RBFOX1: variants seen among roughly 807,000 people sequenced by gnomAD.
The protein encoded by RBFOX1 is RNA binding fox-1 homolog 1.
RBFOX1 carries 8 observed loss-of-function variants against 57.7 expected under a neutral mutation model. The ratio of observed to expected loss-of-function variants is 0.14; its 90% confidence interval spans 0.08 to 0.25. The LOEUF (loss-of-function observed/expected upper bound fraction) is 0.25, where lower values mean the gene tolerates loss of function less well. Among genes scored for constraint, RBFOX1 ranks in the 10% least tolerant of loss-of-function variants. RBFOX1 has a pLI of 1.00. For missense variants in RBFOX1, 611 were observed against 548.5 expected, an observed-to-expected ratio of 1.11 and a Z score of -1.14; for synonymous variants, 326 against 222.4, an observed-to-expected ratio of 1.47 and a Z score of -4.15.
intron 3 of RBFOX1, among the ~76,000 whole-genome samples, chr16:5,655,896 A>T (rs749690926): frequency 1.3e-5 from 2 of 152,182 alleles, no homozygotes; most frequent in African/African-American, 4.8e-5. Context: ...AGCATGTGCA[A>T]TTGTAGATTA....
chr16:7,226,135 A>T (rs2093101057), intron 4 of RBFOX1, among the ~76,000 whole-genome samples: 1 of 151,978 alleles, frequency 6.6e-6, no homozygotes, highest in Non-Finnish European at 1.5e-5. Context: ...CCAGGAGAAA[A>T]AGAGCACCTC....
chr16:7,335,584 GAAAAAAAAA>G (rs959362612), intron 4 of RBFOX1, among the ~76,000 whole-genome samples: 7 of 74,680 alleles, frequency 9.4e-5, no homozygotes, highest in East Asian at 8.4e-4. Flanking sequence ...CTCAGATAAA[GAAAAAAAAA>G]AAAAAAAAAA....
At chr16:7,506,430 T>G (rs1217695377) in intron 4 of RBFOX1, among the ~76,000 whole-genome samples, 1 of 152,234 alleles carries the variant, frequency 6.6e-6, no homozygotes, top group East Asian at 1.9e-4. Flanking sequence ...GGATTCTTGT[T>G]AAATGAGGTA....
intron 4 of RBFOX1, among the ~76,000 whole-genome samples, chr16:7,325,186 C>T (rs2096595521): frequency 6.6e-6 from 1 of 152,172 alleles, no homozygotes; most frequent in Non-Finnish European, 1.5e-5. Context: ...TGAGTGTTTG[C>T]TATGAGCCTC....
rs910839735 is a variant in RBFOX1, at chr16:7,231,648, C to A, written c.27+179550C>A. On this transcript the variant is annotated intron_variant, in intron 4 of 15. Coordinates refer to ENST00000550418, the MANE Select transcript of RBFOX1 (RefSeq NM_018723.4). ...AAGCAAAGACAACCCAAATGCCTAT[C>A]AATAAATTTATCAATAAATAAATGG... Among the ~76,000 whole-genome samples, 12 of 152,226 alleles carry A rather than the reference C, an allele frequency of 7.9e-5. No individual in the cohort carries two copies. In the East Asian group the frequency reaches 2.1e-3, roughly 27 times the overall value.
chr16:6,110,044 C>T (rs1049908297), intron 1 of RBFOX1, among the ~76,000 whole-genome samples: 4 of 151,976 alleles, frequency 2.6e-5, no homozygotes, highest in Admixed American at 6.6e-5. Context: ...GAATAAATAA[C>T]CTCATGTGAT....
chr16:7,522,319 G>A (rs1290153100), intron 5 of RBFOX1, among the ~76,000 whole-genome samples: 1 of 152,152 alleles, frequency 6.6e-6, no homozygotes, highest in Non-Finnish European at 1.5e-5. Context: ...CACGGGGTGG[G>A]GTTTGAAGGA....
At chr16:7,251,247 T>C (rs1415412216) in intron 4 of RBFOX1, among the ~76,000 whole-genome samples, 1 of 151,448 alleles carries the variant, frequency 6.6e-6, no homozygotes, top group Non-Finnish European at 1.5e-5. Flanking sequence ...AGATTCTACA[T>C]GTAAGTGAAA....
intron 3 of RBFOX1, among the ~76,000 whole-genome samples, chr16:5,737,274 A>C (rs2052611397): frequency 6.6e-6 from 1 of 152,104 alleles, no homozygotes; most frequent in Non-Finnish European, 1.5e-5. Flanking sequence ...ACTTGAGGTT[A>C]GGAGTTCAAG....
intron 1 of RBFOX1, among the ~76,000 whole-genome samples, chr16:6,273,035 G>A (rs888179738): frequency 2.6e-5 from 4 of 152,232 alleles, no homozygotes; most frequent in African/African-American, 9.6e-5. Flanking sequence ...TGAGGCAGGT[G>A]AGTCACCCGA....
chr16:7,193,452 T>C (rs1265320115), intron 4 of RBFOX1, among the ~76,000 whole-genome samples: 1 of 152,226 alleles, frequency 6.6e-6, no homozygotes, highest in African/African-American at 2.4e-5. Context: ...TTGTGTTGTT[T>C]AAAGCCATCA....
intron 2 of RBFOX1, among the ~76,000 whole-genome samples, chr16:6,485,950 T>A (rs942267968): frequency 6.6e-6 from 1 of 151,868 alleles, no homozygotes; most frequent in African/African-American, 2.4e-5. Flanking sequence ...ACAACAAAAA[T>A]AGTTTTTCTT....
intron 2 of RBFOX1, among the ~76,000 whole-genome samples, chr16:6,334,753 A>C (rs139592624): frequency 6.6e-6 from 1 of 152,240 alleles, no homozygotes; most frequent in East Asian, 1.9e-4. Flanking sequence ...ACTCAGCCGG[A>C]AAGTGCTGAG....
chr16:6,603,325 G>A (rs1213506716), intron 2 of RBFOX1, among the ~76,000 whole-genome samples: 2 of 152,120 alleles, frequency 1.3e-5, no homozygotes, highest in African/African-American at 2.4e-5. Flanking sequence ...CCTGGCAGTT[G>A]GAGTCTTGTA....
rs1555600461 is a variant in RBFOX1 at position 7,225,905 on chromosome 16, A to AATATATATATATATAT, written c.27+173822_27+173823insTATATATATATATATA. Among the ~76,000 whole-genome samples, 60 of 93,704 alleles carry AATATATATATATATAT rather than the reference A, an allele frequency of 6.4e-4. 1 individual carries two copies. The highest frequency in any genetic ancestry group is 1.0e-3 in the African/African-American group (22 of 20,958). The allele number at this position is 93,704 out of a possible 152,430, so 61.5% of individuals were successfully genotyped here. ...GTACCCTAGAACTTAAAGTATAATAAATATATATATATATAAATGTGAATG... is the reference window on the plus strand; with the variant it reads ...GTACCCTAGAACTTAAAGTATAATAAATATATATATATATATATATATATATATATAAATGTGAATG... On this transcript the variant is annotated intron_variant, in intron 4 of 15. Coordinates refer to ENST00000550418, the MANE Select transcript of RBFOX1 (RefSeq NM_018723.4).
At chr16:6,506,999 T>G (rs1010480026) in intron 2 of RBFOX1, among the ~76,000 whole-genome samples, 1 of 152,128 alleles carries the variant, frequency 6.6e-6, no homozygotes, top group African/African-American at 2.4e-5. Flanking sequence ...GGCAGTGAAC[T>G]TACTGTGGTA....
intron 3 of RBFOX1, among the ~76,000 whole-genome samples, chr16:6,657,622 T>TGTGC (rs1352228607): frequency 2.6e-5 from 4 of 152,160 alleles, no homozygotes; most frequent in East Asian, 3.9e-4. Flanking sequence ...CACGTGTGTG[T>TGTGC]GTGCATGTCC....
intron 3 of RBFOX1, among the ~76,000 whole-genome samples, chr16:6,968,265 C>CT (rs2084739004): frequency 6.6e-6 from 1 of 152,230 alleles, no homozygotes. Context: ...CCCAGGCAAG[C>CT]TGTCACTTGG....
chr16:7,205,219 G>C (rs1347615632), intron 4 of RBFOX1, among the ~76,000 whole-genome samples: 2 of 152,042 alleles, frequency 1.3e-5, no homozygotes, highest in African/African-American at 4.8e-5. Flanking sequence ...CCAGTTGAGT[G>C]AAAATGTATG....
Sources: gnomAD v4.1 joint callset for allele counts (sites outside exome capture counted in the v4.1 genomes callset) on GRCh38, gnomAD v4.1.1 for gene constraint, MANE v1.5 for transcripts, NCBI Gene and HGNC (gene_info 2026-07-23, HGNC 2026-07-21) for gene names.